Variants in CSTF3 observed in about 807,000 individuals in gnomAD.
The protein encoded by CSTF3 is CF-1 77 kDa subunit.
A neutral mutation model predicts 105.8 loss-of-function variants in CSTF3; 29 were observed. The observed-to-expected ratio is 0.27, with a 90% CI of 0.20 to 0.37. The LOEUF (loss-of-function observed/expected upper bound fraction) is 0.37, where lower values mean the gene tolerates loss of function less well. CSTF3 is among the 10% of genes least tolerant of loss of function. The pLI is 1.00. For missense variants in CSTF3, 357 were observed against 879.3 expected, an observed-to-expected ratio of 0.41 and a Z score of 7.51; for synonymous variants, 252 against 281.9, an observed-to-expected ratio of 0.89 and a Z score of 1.06.
chr11:33,098,648 A>G, intron 13 of CSTF3, 42 bp downstream of exon 13: 1 of 1,145,066 alleles, frequency 8.7e-7, no homozygotes, highest in Non-Finnish European at 1.3e-6. Context: ...TTTGTTAGAT[A>G]AGACTGTAAA....
intron 3 of CSTF3, among the ~76,000 whole-genome samples, chr11:33,111,181 T>A (rs2133780724): frequency 1.3e-5 from 2 of 152,106 alleles, no homozygotes; most frequent in South Asian, 4.1e-4. Context: ...AGTGAGCTGA[T>A]ATCACACCAC....
chr11:33,092,011 G>A (rs921669416), intron 16 of CSTF3, among the ~76,000 whole-genome samples: 6 of 152,114 alleles, frequency 3.9e-5, no homozygotes, highest in African/African-American at 9.7e-5. Context: ...CACAATTTCT[G>A]GTTAGGGATA....
intron 1 of CSTF3, among the ~76,000 whole-genome samples, chr11:33,145,402 G>C (rs1291768474): frequency 2.0e-5 from 3 of 151,792 alleles, no homozygotes; most frequent in Middle Eastern, 3.4e-3. Flanking sequence ...CTCCAAACTG[G>C]GTGACAGGGC....
At chr11:33,092,059 C>T (rs1430973190) in intron 16 of CSTF3, among the ~76,000 whole-genome samples, 1 of 152,092 alleles carries the variant, frequency 6.6e-6, no homozygotes, top group East Asian at 1.9e-4. Context: ...ATTGCTATGG[C>T]ATCTCTTAAA....
Position 33,099,924 on chromosome 11 carries a change from G to T in CSTF3, c.827-207C>A, listed in dbSNP as rs1175969849. ...AATTTTTTTTATTTTTGGAAGCAGG[G>T]TCTCTGTCACGTAGGCTGGAGTGCA... On this transcript the variant is annotated intron_variant, in intron 10 of 20. Coordinates refer to ENST00000323959, the MANE Select transcript of CSTF3 (RefSeq NM_001326.3). This position sits in a 1 kb window ranked among gnomAD's most constrained non-coding sequence, Gnocchi z 4.1. Among the ~76,000 whole-genome samples the T allele has an allele frequency of 3.9e-5, 6 of 151,972 alleles. No homozygotes were observed. Among genetic ancestry groups the T allele is most frequent in the Non-Finnish European group, 8.8e-5 (6 of 67,992 alleles).
intron 17 of CSTF3, 23 bp from the exon 18 acceptor site, chr11:33,087,164 T>A (rs1191649859): frequency 1.2e-6 from 2 of 1,611,694 alleles, no homozygotes; most frequent in Non-Finnish European, 1.7e-6. Context: ...AACAGAAGAA[T>A]CCTAAACCTG....
intron 1 of CSTF3, 45 bp downstream of exon 1, chr11:33,161,254 G>A (rs749532820): frequency 7.5e-6 from 12 of 1,609,624 alleles, no homozygotes; most frequent in Non-Finnish European, 9.3e-6. Flanking sequence ...AGGAACAGAC[G>A]TGGAGAAGAG....
intron 3 of CSTF3, among the ~76,000 whole-genome samples, chr11:33,123,644 GAAT>G (rs1472080560): frequency 1.3e-5 from 2 of 151,786 alleles, no homozygotes; most frequent in Non-Finnish European, 2.9e-5. Flanking sequence ...AAGAAACATA[GAAT>G]ATTATGTACT....
At chr11:33,089,346 A>C in intron 17 of CSTF3, among the ~76,000 whole-genome samples, 1 of 110,938 alleles carries the variant, frequency 9.0e-6, no homozygotes, top group Non-Finnish European at 1.6e-5. Flanking sequence ...GACCATCTCA[A>C]AAAAAAAAAA....
Position 33,107,934 on chromosome 11 carries a change from G to A in CSTF3, c.325C>T (p.Arg109Ter). 6.2e-7 allele frequency: 1 copy of A among 1,609,374 alleles called. No individual in the cohort carries two copies. Among genetic ancestry groups the A allele is most frequent in the Non-Finnish European group, 8.5e-7 (1 of 1,177,798 alleles). ...CTTGGTAGTTTACCCTTGGTTTCTC[G>A]GACATATGAAAGATAACACTTCCAT... ...DLWKCYLSYV[R>*]ETKGKLPSYK... The change falls in exon 5 of 21, where the codon CGA (arginine) becomes TGA (stop). Residue 109 changes from arginine to a stop codon, truncating the protein, a stop_gained. Transcript: ENST00000323959. LOFTEE classifies it high-confidence loss of function.
intron 3 of CSTF3, among the ~76,000 whole-genome samples, chr11:33,139,317 T>C (rs1020114460): frequency 1.3e-5 from 2 of 151,958 alleles, no homozygotes; most frequent in Non-Finnish European, 2.9e-5. Context: ...ATTACAATTT[T>C]CCCACCATGA....
intron 1 of CSTF3, among the ~76,000 whole-genome samples, chr11:33,153,601 G>A (rs1439311429): frequency 6.6e-6 from 1 of 151,358 alleles, no homozygotes; most frequent in East Asian, 1.9e-4. Context: ...CCACGCCAAT[G>A]CACTGCAGCC....
chr11:33,119,709 T>C (rs556748918), intron 3 of CSTF3, among the ~76,000 whole-genome samples: 1 of 151,908 alleles, frequency 6.6e-6, no homozygotes, highest in Admixed American at 6.6e-5. Flanking sequence ...ACATCAGAAA[T>C]TATATTCTAA....
intron 3 of CSTF3, chr11:33,136,051 TAACA>T (rs1231155821): frequency 2.6e-5 from 4 of 152,508 alleles, no homozygotes; most frequent in African/African-American, 7.2e-5. Flanking sequence ...ATTGCTTAAT[TAACA>T]CTTGCAAATA....
intron 3 of CSTF3, among the ~76,000 whole-genome samples, chr11:33,125,334 T>C (rs937461154): frequency 1.3e-5 from 2 of 152,210 alleles, no homozygotes; most frequent in Non-Finnish European, 2.9e-5. Flanking sequence ...TTTCCTTATA[T>C]GCTTATTTTT....
In CSTF3 at chr11:33,086,000, A is replaced by G; in HGVS notation, c.1796-11T>C. Reference sequence around the variant, plus strand: ...GGTGTAAACCTGGAGCTGTGAGAAAAAGAAAAGTATGAATCAAGTGGAATG... The same window carrying G: ...GGTGTAAACCTGGAGCTGTGAGAAAGAGAAAAGTATGAATCAAGTGGAATG... On this transcript the variant is annotated splice_polypyrimidine_tract_variant and intron_variant, in intron 18 of 20. Transcript: ENST00000323959. 3.4e-6 allele frequency: 5 copies of G among 1,461,290 alleles called. No homozygotes were observed. The highest frequency in any genetic ancestry group is 1.8e-4 in the Middle Eastern group (1 of 5,478). 90.5% of individuals were successfully genotyped at this position (1,461,290 alleles called of 1,614,324 possible).
chr11:33,127,076 G>A (rs1855550947), intron 3 of CSTF3, among the ~76,000 whole-genome samples: 1 of 152,154 alleles, frequency 6.6e-6, no homozygotes, highest in Non-Finnish European at 1.5e-5. Flanking sequence ...AGCTAATGTA[G>A]ACAAAAGCCC....
chr11:33,105,476 T>A, intron 8 of CSTF3, 91 bp downstream of exon 8: 3 of 1,239,082 alleles, frequency 2.4e-6, no homozygotes, highest in East Asian at 2.5e-5. Context: ...AGTGTAACAC[T>A]GATACAGAAA....
chr11:33,148,366 C>T (rs1855809735), intron 1 of CSTF3, among the ~76,000 whole-genome samples: 1 of 152,146 alleles, frequency 6.6e-6, no homozygotes, highest in Admixed American at 6.6e-5. Context: ...TTTTTAAAAA[C>T]TTTTCAAGTA....
Sources: allele counts gnomAD v4.1 joint callset (sites outside exome capture counted in the v4.1 genomes callset), GRCh38; gene constraint gnomAD v4.1.1; non-coding constraint Gnocchi (gnomAD v3.1); transcripts MANE v1.5; gene names NCBI Gene and HGNC (gene_info 2026-07-23, HGNC 2026-07-21).